Variants in AHCTF1 observed in about 807,000 individuals in gnomAD.
AHCTF1 encodes the protein AT-hook containing transcription factor 1.
Under a neutral mutation model 248.4 loss-of-function variants are expected in AHCTF1, and 24 were observed. That is an observed-to-expected ratio of 0.10 (90% CI 0.07 to 0.14). AHCTF1 has a LOEUF of 0.14. Ranked by LOEUF, AHCTF1 falls within the 10% of genes least tolerant of loss-of-function variation. AHCTF1 has a pLI of 1.00. For missense variants in AHCTF1, 2,206 were observed against 2,636.2 expected, an observed-to-expected ratio of 0.84 and a Z score of 3.57; for synonymous variants, 786 against 929.8, an observed-to-expected ratio of 0.85 and a Z score of 2.81.
intron 24 of AHCTF1, among the ~76,000 whole-genome samples, chr1:246,869,421 T>C (rs182086025): frequency 1.4e-3 from 217 of 152,222 alleles, no homozygotes; most frequent in African/African-American, 5.0e-3. Context: ...TTAGCCAAGT[T>C]GTAAATGCAA....
In AHCTF1 at chr1:246,844,005, C is replaced by A. The variant is rs1384618073; in HGVS notation, c.6392-77G>T. The A allele has an allele frequency of 5.7e-6, 6 of 1,044,968 alleles. No homozygotes were observed. In the East Asian group the frequency reaches 9.8e-5, roughly 17 times the overall value. 64.7% of individuals were successfully genotyped at this position (1,044,968 alleles called of 1,614,324 possible). ...ATATAAACACAATAAAAACCTGGAA[C>A]AAATTATGTGTTTTAGAAAGATGCA... On this transcript the variant is annotated intron_variant, in intron 33 of 35. Coordinates refer to ENST00000648844, the MANE Select transcript of AHCTF1 (RefSeq NM_001323342.2).
At chr1:246,870,586 A>G (rs914952545) in intron 24 of AHCTF1, among the ~76,000 whole-genome samples, 1 of 152,176 alleles carries the variant, frequency 6.6e-6, no homozygotes, top group African/African-American at 2.4e-5. Context: ...GAGGGTCTCC[A>G]GGGATTATAG....
chr1:246,876,110 A>G lies in AHCTF1; in HGVS notation c.3015T>C (p.Pro1005=), dbSNP rs760373255. The change falls in exon 24 of 36, where the codon CCT becomes CCC. Residue 1005 remains proline, a synonymous_variant. Transcript: ENST00000648844. ...SILDQYGKIL[P]RVHRKLAIER... ...CAATGGCTAATTTTCGATGGACTCT[A>G]GGAAGGATTTTTCCATACTGGTCTA... The G allele has an allele frequency of 3.1e-6, 5 of 1,609,744 alleles. No homozygotes were observed. The highest frequency in any genetic ancestry group is 2.7e-5 in the African/African-American group (2 of 74,848).
intron 24 of AHCTF1, among the ~76,000 whole-genome samples, chr1:246,869,494 C>T (rs1662403428): frequency 6.6e-6 from 1 of 152,118 alleles, no homozygotes; most frequent in South Asian, 2.1e-4. Context: ...GAAGTCAATG[C>T]CTGGCTTCAA....
At chr1:246,900,943 C>G (rs572709885) in intron 8 of AHCTF1, among the ~76,000 whole-genome samples, 1 of 152,076 alleles carries the variant, frequency 6.6e-6, no homozygotes, top group East Asian at 1.9e-4. Flanking sequence ...TTGGATGGTG[C>G]CTGTGGAATG....
Position 246,840,977 on chromosome 1 carries a change from A to T in AHCTF1, c.6630T>A (p.Ala2210=). The T allele has an allele frequency of 3.7e-6, 6 of 1,606,808 alleles. No individual in the cohort carries two copies. Residue 2210 remains alanine, a synonymous_variant, in exon 36 of 36, where the codon GCT becomes GCA. Transcript: ENST00000648844. ...GAATTTCTATGGGAGGAGGTGACCAAGCACTTTCTTTTTCTGTGTTTCTGA... is the reference window on the plus strand; with the variant it reads ...GAATTTCTATGGGAGGAGGTGACCATGCACTTTCTTTTTCTGTGTTTCTGA... ...QASKNTEKES[A]WSPPPIEIRL... is the part of the protein sequence containing the mutation.
At chr1:246,855,852 T>C (rs886379969) in intron 30 of AHCTF1, 25 bp from the exon 31 acceptor site, 1 of 1,559,014 alleles carries the variant, frequency 6.4e-7, no homozygotes, top group Admixed American at 1.7e-5. Context: ...ATACATACCT[T>C]AGTGTGTAAG....
chr1:246,843,974 G>GTA (rs777040366), intron 33 of AHCTF1, 46 bp from the exon 34 acceptor site: 22 of 1,210,280 alleles, frequency 1.8e-5, no homozygotes, highest in South Asian at 5.4e-5. Context: ...ATATATGTGT[G>GTA]TATATATATA....
chr1:246,894,744 T>C lies in AHCTF1; in HGVS notation c.1719A>G (p.Gln573=), dbSNP rs1664447402. ...GYIRRWITEE[Q]PNSATNLRFV... is the part of the protein sequence containing the mutation. ...AGCGCAAATTAGTGGCAGAATTTGG[T>C]TGTTCTTATTTGTAAATACAAAAGG... Residue 573 remains glutamine, a synonymous_variant, in exon 14 of 36, where the codon CAA becomes CAG. Transcript: ENST00000648844. 1 of 1,612,730 alleles carries C rather than the reference T, an allele frequency of 6.2e-7. No individual in the cohort carries two copies. Among genetic ancestry groups the C allele is most frequent in the Non-Finnish European group, 8.5e-7 (1 of 1,178,862 alleles).
intron 14 of AHCTF1, among the ~76,000 whole-genome samples, chr1:246,893,588 C>T (rs1192111919): frequency 1.3e-5 from 2 of 152,074 alleles, no homozygotes; most frequent in African/African-American, 4.8e-5. Context: ...AAGACTCAAT[C>T]GAAATGAACA....
intron 2 of AHCTF1, among the ~76,000 whole-genome samples, chr1:246,917,599 T>C (rs1159882059): frequency 1.3e-5 from 2 of 152,328 alleles, no homozygotes; most frequent in African/African-American, 4.8e-5. Context: ...GCCTGGCATA[T>C]AGAAAGTACT....
chr1:246,920,769 CAAAA>C (rs770845244), intron 1 of AHCTF1, among the ~76,000 whole-genome samples: 2 of 110,694 alleles, frequency 1.8e-5, no homozygotes, highest in Non-Finnish European at 3.8e-5. Context: ...AACACTGTCT[CAAAA>C]AAAAAAAAAA....
chr1:246,930,585 TTA>T (rs1491399269), intron 1 of AHCTF1, among the ~76,000 whole-genome samples: 10 of 140,034 alleles, frequency 7.1e-5, no homozygotes, highest in African/African-American at 2.4e-4. Context: ...AAAAAACAGT[TTA>T]AAAAAAAAAA....
At chr1:246,902,425 A>G in intron 8 of AHCTF1, 100 bp downstream of exon 8, 1 of 1,423,202 alleles carries the variant, frequency 7.0e-7, no homozygotes, top group Non-Finnish European at 9.5e-7. Context: ...TTACTATTCC[A>G]ATTTTCTGAA....
At chr1:246,845,281 GTTTTC>G (rs1660168301) in intron 33 of AHCTF1, among the ~76,000 whole-genome samples, 1 of 149,972 alleles carries the variant, frequency 6.7e-6, no homozygotes, top group Non-Finnish European at 1.5e-5. Context: ...ATATAAAAAT[GTTTTC>G]TGTGGGTACA....
rs779977730 is a variant in AHCTF1, at chr1:246,862,156, A to G, written c.3541-3T>C. On this transcript the variant is annotated splice_polypyrimidine_tract_variant and splice_region_variant and intron_variant, in intron 27 of 35. Transcript: ENST00000648844. ...GACATGGCCAAACTTTTAGCTTTCT[A>G]TAGTAAAGAGCAAATGGAATTACAC... 6 of 1,607,954 alleles carry G rather than the reference A, an allele frequency of 3.7e-6. No individual in the cohort carries two copies. Among genetic ancestry groups the G allele is most frequent in the Non-Finnish European group, 5.1e-6 (6 of 1,177,630 alleles).
intron 6 of AHCTF1, among the ~76,000 whole-genome samples, chr1:246,904,474 A>G (rs1027369888): frequency 3.3e-5 from 5 of 152,288 alleles, no homozygotes; most frequent in Admixed American, 6.5e-5. Flanking sequence ...CTTCCTTAAT[A>G]AACAAAATAT....
Position 246,899,521 on chromosome 1 carries a change from A to C in AHCTF1, c.1433-9T>G. 5.0e-6 allele frequency: 8 copies of C among 1,604,596 alleles called. No individual in the cohort carries two copies. The highest frequency in any genetic ancestry group is 6.8e-6 in the Non-Finnish European group (8 of 1,175,060). On this transcript the variant is annotated splice_polypyrimidine_tract_variant and intron_variant, in intron 10 of 35. Coordinates refer to ENST00000648844, the MANE Select transcript of AHCTF1 (RefSeq NM_001323342.2). ...TAACAAACAAGTGGCATCTAAAAAAAAGATTTAAAAAATAATCCACTTACA... is the reference window on the plus strand; with the variant it reads ...TAACAAACAAGTGGCATCTAAAAAACAGATTTAAAAAATAATCCACTTACA...
In AHCTF1 at chr1:246,862,203, G is replaced by A. The variant is rs368123846; in HGVS notation, c.3541-50C>T. On this transcript the variant is annotated intron_variant, in intron 27 of 35. Transcript: ENST00000648844. ...ACACCATTAAAAGTGCTTATAGGCC[G>A]GGCGCGGTGGCTCACGCCTGTAATC... 6.8e-5 allele frequency: 99 copies of A among 1,458,132 alleles called. 1 individual carries two copies. In the African/African-American group the frequency reaches 8.9e-4, roughly 13 times the overall value. 90.3% of individuals were successfully genotyped at this position (1,458,132 alleles called of 1,614,324 possible).
Sources: gnomAD v4.1 joint callset for allele counts (sites outside exome capture counted in the v4.1 genomes callset) on GRCh38, gnomAD v4.1.1 for gene constraint, MANE v1.5 for transcripts, NCBI Gene and HGNC (gene_info 2026-07-23, HGNC 2026-07-21) for gene names.